Variants in PTPN9 observed in about 807,000 individuals in gnomAD.
PTPN9 encodes the protein protein tyrosine phosphatase non-receptor type 9, also known as tyrosine-protein phosphatase non-receptor type 9.
Under a neutral mutation model 69.8 loss-of-function variants are expected in PTPN9, and 26 were observed. The observed-to-expected ratio is 0.37, with a 90% CI of 0.27 to 0.52. PTPN9 has a LOEUF of 0.52. PTPN9 is among the 20% of genes least tolerant of loss of function. The pLI is 0.91. For missense variants in PTPN9, 549 were observed against 740.3 expected (o/e 0.74, Z 3.00); for synonymous variants, 274 against 272.5 (o/e 1.01, Z -0.05).
At chr15:75,502,363 G>C (rs1004117777) in intron 7 of PTPN9, among the ~76,000 whole-genome samples, 1 of 151,760 alleles carries the variant, frequency 6.6e-6, no homozygotes, top group African/African-American at 2.4e-5. Context: ...AGGAAGAATC[G>C]CTTGAACCTG....
Position 75,465,159 on chromosome 15 carries a change from A to C in PTPN9, c.*3610T>G, listed in dbSNP as rs2074531721. ...ACTCTTGTTGCCCAGGCTAGAGTGC[A>C]ATGGCGCGATCTCGGCTCATTGCAA... On this transcript the variant is annotated 3_prime_UTR_variant, in exon 13 of 13. Transcript: ENST00000618819. The C allele has an allele frequency of 6.6e-6, 1 of 152,114 alleles. No individual in the cohort carries two copies. The highest frequency in any genetic ancestry group is 6.6e-5 in the Admixed American group (1 of 15,256). 9.4% of individuals were successfully genotyped at this position (152,114 alleles called of 1,614,324 possible).
chr15:75,545,881 G>A (rs1286367761), intron 1 of PTPN9, among the ~76,000 whole-genome samples: 1 of 152,210 alleles, frequency 6.6e-6, no homozygotes, highest in Admixed American at 6.5e-5. Flanking sequence ...CCAGGGATGG[G>A]AGGATGCAGT....
At chr15:75,545,628 A>C (rs1258684917) in intron 1 of PTPN9, among the ~76,000 whole-genome samples, 1 of 152,214 alleles carries the variant, frequency 6.6e-6, no homozygotes, top group Non-Finnish European at 1.5e-5. Flanking sequence ...AATAGGATAT[A>C]CAAAATAAAA....
intron 2 of PTPN9, among the ~76,000 whole-genome samples, chr15:75,526,600 CAA>C (rs2074928925): frequency 6.6e-6 from 1 of 152,102 alleles, no homozygotes; most frequent in South Asian, 2.1e-4. Context: ...AAAATCAAAA[CAA>C]AGTAAAATCC....
Position 75,485,791 on chromosome 15 carries a change from G to A in PTPN9, c.1062+4417C>T, listed in dbSNP as rs184752025. ...TTAAATTTTTAATTTCAGCAACTTC[G>A]GAAGAATCACTGGATATTAAAACTG... is the stretch of plus-strand genomic sequence containing the variant. On this transcript the variant is annotated intron_variant, in intron 8 of 12. Transcript: ENST00000618819. 3.4e-3 allele frequency among the ~76,000 whole-genome samples: 508 copies of A among 151,362 alleles called. 1 individual carries two copies. The highest frequency in any genetic ancestry group is 0.011 in the African/African-American group (455 of 41,280).
At chr15:75,491,057 T>C (rs2074707954) in intron 7 of PTPN9, among the ~76,000 whole-genome samples, 2 of 151,902 alleles carry the variant, frequency 1.3e-5, no homozygotes, top group South Asian at 4.2e-4. Context: ...TGCAGTGCGC[T>C]ATGACAGCGC....
At chr15:75,545,290 G>A (rs948225721) in intron 1 of PTPN9, among the ~76,000 whole-genome samples, 25 of 152,228 alleles carry the variant, frequency 1.6e-4, no homozygotes, top group African/African-American at 4.8e-4. Flanking sequence ...GGAGAGGGCC[G>A]AGCATGGTGG....
At chr15:75,480,531 G>A (rs903427558) in intron 8 of PTPN9, 26 of 337,804 alleles carry the variant, frequency 7.7e-5, no homozygotes, top group African/African-American at 5.5e-4. Context: ...GCGGGCTGGG[G>A]TCGGTGGCTT....
chr15:75,551,781 A>C (rs1216667719), intron 1 of PTPN9, among the ~76,000 whole-genome samples: 1 of 152,152 alleles, frequency 6.6e-6, no homozygotes, highest in Non-Finnish European at 1.5e-5. Context: ...TCATACTTGT[A>C]ATCTCAGCAC....
chr15:75,486,837 T>C (rs904246387), intron 8 of PTPN9, among the ~76,000 whole-genome samples: 1 of 146,198 alleles, frequency 6.8e-6, no homozygotes, highest in Non-Finnish European at 1.5e-5. Context: ...CAGGCTGGAG[T>C]GCACTGGTGC....
chr15:75,478,133 C>T (rs1216664761), intron 9 of PTPN9, among the ~76,000 whole-genome samples: 1 of 151,594 alleles, frequency 6.6e-6, no homozygotes, highest in Non-Finnish European at 1.5e-5. Flanking sequence ...ACCACCACGC[C>T]TGGCCGATCC....
At chr15:75,470,901 A>G in intron 10 of PTPN9, 71 bp from the exon 11 acceptor site, 5 of 1,545,210 alleles carry the variant, frequency 3.2e-6, no homozygotes, top group Non-Finnish European at 4.4e-6. Context: ...TTCCCCAAAG[A>G]CCTGATATAC....
chr15:75,479,809 A>C, intron 9 of PTPN9, 39 bp downstream of exon 9: 1 of 1,511,464 alleles, frequency 6.6e-7, no homozygotes, highest in South Asian at 1.2e-5. Context: ...TCATAAGTAG[A>C]TGGCACAAAA....
intron 1 of PTPN9, among the ~76,000 whole-genome samples, chr15:75,564,589 C>A (rs1172538327): frequency 7.1e-6 from 1 of 140,020 alleles, no homozygotes; most frequent in Admixed American, 7.2e-5. Context: ...AGTGAGACTA[C>A]GTCTCAAAAA....
intron 1 of PTPN9, among the ~76,000 whole-genome samples, chr15:75,544,852 G>T (rs2075025162): frequency 6.6e-6 from 1 of 152,052 alleles, no homozygotes; most frequent in African/African-American, 2.4e-5. Flanking sequence ...TAGACTTTAG[G>T]AAAGAAAGGA....
At chr15:75,529,212 C>T (rs2074944246) in intron 1 of PTPN9, among the ~76,000 whole-genome samples, 1 of 152,076 alleles carries the variant, frequency 6.6e-6, no homozygotes, top group Admixed American at 6.6e-5. Flanking sequence ...GTCTCCAACT[C>T]CTGACCTCAT....
chr15:75,505,644 C>A, intron 7 of PTPN9, 31 bp downstream of exon 7: 1 of 1,566,662 alleles, frequency 6.4e-7, no homozygotes, highest in Non-Finnish European at 8.7e-7. Context: ...ATCCTGGTAA[C>A]CAGCTGCTGG....
At chr15:75,546,238 T>C (rs556567512) in intron 1 of PTPN9, among the ~76,000 whole-genome samples, 79 of 152,138 alleles carry the variant, frequency 5.2e-4, no homozygotes, top group Non-Finnish European at 2.4e-4. Flanking sequence ...AAGAGAGTAA[T>C]GGACATGATA....
At chr15:75,507,365 G>C (rs1167838977) in intron 6 of PTPN9, among the ~76,000 whole-genome samples, 1 of 149,296 alleles carries the variant, frequency 6.7e-6, no homozygotes, top group Non-Finnish European at 1.5e-5. Flanking sequence ...AGAATCACTT[G>C]AACCCGGGGG....
Sources: gnomAD v4.1 joint callset for allele counts (sites outside exome capture counted in the v4.1 genomes callset) on GRCh38, gnomAD v4.1.1 for gene constraint, MANE v1.5 for transcripts, NCBI Gene and HGNC (gene_info 2026-07-23, HGNC 2026-07-21) for gene names.